The following CCDC148 variants were observed in gnomAD, a reference collection of about 807,000 sequenced individuals.
The protein encoded by CCDC148 is coiled-coil domain containing 148.
Under a neutral mutation model 85.7 loss-of-function variants are expected in CCDC148, and 89 were observed. The ratio of observed to expected loss-of-function variants is 1.04; its 90% CI spans 0.87 to 1.24. The LOEUF (loss-of-function observed/expected upper bound fraction) is 1.24. Among genes scored for constraint, CCDC148 ranks in the 50% most tolerant of loss-of-function variants. The pLI is 0.00. For synonymous variants in CCDC148, 230 were observed against 213.9 expected (o/e 1.08, Z -0.66); for missense variants, 692 against 671.7 (o/e 1.03, Z -0.33).
At chr2:158,220,229 C>T (rs1687102056) in intron 11 of CCDC148, among the ~76,000 whole-genome samples, 1 of 152,178 alleles carries the variant, frequency 6.6e-6, no homozygotes, top group South Asian at 2.1e-4. Context: ...TCCCCAGCCT[C>T]CGTCACAGTA....
chr2:158,307,422 G>T (rs1038211654), intron 9 of CCDC148, among the ~76,000 whole-genome samples: 1 of 152,204 alleles, frequency 6.6e-6, no homozygotes, highest in African/African-American at 2.4e-5. Context: ...CAATACCAAT[G>T]TTGGGGAAGA....
chr2:158,223,774 G>A (rs193249551), intron 10 of CCDC148, among the ~76,000 whole-genome samples: 1 of 152,258 alleles, frequency 6.6e-6, no homozygotes, highest in Non-Finnish European at 1.5e-5. Flanking sequence ...CTGTTAGAAG[G>A]AAAACTAACA....
At position 158,177,667 on chromosome 2, in the gene CCDC148, T is replaced by G. The variant is rs183380433; in HGVS notation, c.1489-1006A>C. 1.6e-4 allele frequency among the ~76,000 whole-genome samples: 25 copies of G among 152,298 alleles called. No homozygotes were observed. The East Asian group carries it at 4.6e-3, about 28-fold the overall frequency. On this transcript the variant is annotated intron_variant, in intron 12 of 13. Coordinates refer to ENST00000283233, the MANE Select transcript of CCDC148 (RefSeq NM_138803.4). Reference sequence around the variant, plus strand: ...GGCCATGATATATAAGTTGAATAACTAAAATTTTGTAGGATCCAGGATTAC... The same window carrying G: ...GGCCATGATATATAAGTTGAATAACGAAAATTTTGTAGGATCCAGGATTAC...
chr2:158,450,183 A>G (rs567953125), intron 1 of CCDC148, among the ~76,000 whole-genome samples: 2 of 152,204 alleles, frequency 1.3e-5, no homozygotes, highest in East Asian at 3.9e-4. Flanking sequence ...GGGGGCATAT[A>G]TTTTTTGAAT....
At chr2:158,301,080 A>T (rs1691419453) in intron 9 of CCDC148, among the ~76,000 whole-genome samples, 1 of 151,972 alleles carries the variant, frequency 6.6e-6, no homozygotes, top group Non-Finnish European at 1.5e-5. Flanking sequence ...GTTGGTCTTG[A>T]ACTCCTGGCT....
chr2:158,424,695 A>G (rs1686990479), intron 1 of CCDC148: 1 of 201,080 alleles, frequency 5.0e-6, no homozygotes. Flanking sequence ...ATGCACATGT[A>G]CCCTAGAACT....
At chr2:158,365,498 C>G (rs1684157844) in intron 1 of CCDC148, among the ~76,000 whole-genome samples, 1 of 152,178 alleles carries the variant, frequency 6.6e-6, no homozygotes, top group Admixed American at 6.6e-5. Flanking sequence ...AAGTTCATGT[C>G]CTTTGCAGGG....
chr2:158,177,768 G>A (rs191177574), intron 12 of CCDC148, among the ~76,000 whole-genome samples: 7 of 152,062 alleles, frequency 4.6e-5, no homozygotes, highest in East Asian at 3.9e-4. Context: ...TATAATAGTC[G>A]TATGCATTTA....
At chr2:158,224,324 C>A (rs1370816776) in intron 10 of CCDC148, among the ~76,000 whole-genome samples, 1 of 152,020 alleles carries the variant, frequency 6.6e-6, no homozygotes, top group Non-Finnish European at 1.5e-5. Flanking sequence ...GTGAAAAGAC[C>A]AAATCTACAT....
At chr2:158,270,791 G>A (rs909342869) in intron 9 of CCDC148, among the ~76,000 whole-genome samples, 3 of 152,146 alleles carry the variant, frequency 2.0e-5, no homozygotes, top group African/African-American at 7.2e-5. Flanking sequence ...CACAGGCACT[G>A]TTACCAGGGG....
chr2:158,255,463 T>C (rs1688973636), intron 9 of CCDC148, among the ~76,000 whole-genome samples: 2 of 151,684 alleles, frequency 1.3e-5, no homozygotes, highest in South Asian at 2.1e-4. Flanking sequence ...GCAATTGAAA[T>C]AACCCTTATC....
intron 11 of CCDC148, among the ~76,000 whole-genome samples, chr2:158,204,266 T>C (rs552586810): frequency 6.6e-6 from 1 of 152,328 alleles, no homozygotes; most frequent in Admixed American, 6.5e-5. Flanking sequence ...AAGGGCACTA[T>C]GGTGGTTTTC....
At chr2:158,455,802 AC>A (rs369992857) in intron 1 of CCDC148, among the ~76,000 whole-genome samples, 100 of 152,362 alleles carry the variant, frequency 6.6e-4, no homozygotes, top group African/African-American at 2.1e-3. Context: ...TTGACAAAAA[AC>A]AATTAGTATT....
chr2:158,322,925 T>G (rs1692586294), intron 7 of CCDC148, among the ~76,000 whole-genome samples: 1 of 152,184 alleles, frequency 6.6e-6, no homozygotes, highest in African/African-American at 2.4e-5. Flanking sequence ...CTTTAGCTTT[T>G]TCCACATATT....
intron 1 of CCDC148, among the ~76,000 whole-genome samples, chr2:158,409,342 C>T (rs1414044844): frequency 1.3e-5 from 2 of 152,176 alleles, no homozygotes; most frequent in Non-Finnish European, 2.9e-5. Context: ...GGTCTATATC[C>T]TACAAAGCCA....
intron 10 of CCDC148, among the ~76,000 whole-genome samples, chr2:158,226,525 T>C (rs533577991): frequency 1.3e-5 from 2 of 152,224 alleles, no homozygotes; most frequent in African/African-American, 4.8e-5. Context: ...TAGACCAATA[T>C]CCCTGATGAA....
intron 10 of CCDC148, among the ~76,000 whole-genome samples, chr2:158,234,119 C>T (rs1336215950): frequency 5.3e-5 from 8 of 151,620 alleles, no homozygotes; most frequent in African/African-American, 1.7e-4. Flanking sequence ...GAGGTTGTAG[C>T]GGGCCGAGAT....
At chr2:158,372,046 C>A (rs1236278601) in intron 1 of CCDC148, among the ~76,000 whole-genome samples, 1 of 151,930 alleles carries the variant, frequency 6.6e-6, no homozygotes, top group Non-Finnish European at 1.5e-5. Context: ...AAAGAGTTAA[C>A]CACAGCAAAC....
intron 1 of CCDC148, chr2:158,381,104 A>G (rs889610438): frequency 6.6e-6 from 1 of 152,198 alleles, no homozygotes; most frequent in African/African-American, 2.4e-5. Flanking sequence ...GGAAAACATA[A>G]TAAGTTGGGA....
Sources: gnomAD v4.1 joint callset for allele counts (sites outside exome capture counted in the v4.1 genomes callset) on GRCh38, gnomAD v4.1.1 for gene constraint, MANE v1.5 for transcripts, NCBI Gene and HGNC (gene_info 2026-07-23, HGNC 2026-07-21) for gene names.